Variants in SGCZ observed in about 807,000 individuals in gnomAD.
The protein encoded by SGCZ is zeta-sarcoglycan.
A neutral mutation model predicts 41.3 loss-of-function variants in SGCZ; 40 were observed. That is an observed-to-expected ratio of 0.97 (90% CI 0.75 to 1.26). SGCZ has a LOEUF of 1.26. Among genes scored for constraint, SGCZ ranks in the 50% most tolerant of loss-of-function variants. SGCZ has a pLI of 0.00. For missense variants in SGCZ, 552 were observed against 369.8 expected, an observed-to-expected ratio of 1.49 and a Z score of -4.04; for synonymous variants, 206 against 137.5, an observed-to-expected ratio of 1.50 and a Z score of -3.49.
chr8:14,355,878 G>C (rs1803274664), intron 2 of SGCZ, among the ~76,000 whole-genome samples: 1 of 152,096 alleles, frequency 6.6e-6, no homozygotes, highest in Non-Finnish European at 1.5e-5. Context: ...GAAGGTCTGT[G>C]AGTTATCTAG....
chr8:14,987,982 T>C (rs1801881328), intron 1 of SGCZ, among the ~76,000 whole-genome samples: 1 of 151,988 alleles, frequency 6.6e-6, no homozygotes, highest in Admixed American at 6.6e-5. Context: ...TTAATTACAA[T>C]AATCACTATG....
At chr8:14,189,918 T>C (rs1199776071) in intron 4 of SGCZ, among the ~76,000 whole-genome samples, 1 of 152,154 alleles carries the variant, frequency 6.6e-6, no homozygotes, top group Non-Finnish European at 1.5e-5. Flanking sequence ...GATAGAAAAT[T>C]TGTTTATTTA....
intron 1 of SGCZ, among the ~76,000 whole-genome samples, chr8:14,566,405 T>C (rs1421605310): frequency 6.9e-6 from 1 of 144,876 alleles, no homozygotes; most frequent in African/African-American, 2.5e-5. Context: ...GATCTCTCCA[T>C]CCCTGCTGGG....
At chr8:14,504,190 A>G (rs1276701981) in intron 2 of SGCZ, among the ~76,000 whole-genome samples, 1 of 152,216 alleles carries the variant, frequency 6.6e-6, no homozygotes, top group Admixed American at 6.5e-5. Context: ...TACAAGAGGA[A>G]AATTCAATTT....
At chr8:15,091,862 C>G (rs1002867207) in intron 1 of SGCZ, among the ~76,000 whole-genome samples, 14 of 152,144 alleles carry the variant, frequency 9.2e-5, no homozygotes. Flanking sequence ...AGGTGATCCT[C>G]CCACCTCAGC....
At chr8:14,456,819 A>G (rs551331151) in intron 2 of SGCZ, among the ~76,000 whole-genome samples, 1 of 152,294 alleles carries the variant, frequency 6.6e-6, no homozygotes, top group African/African-American at 2.4e-5. Context: ...CCCTCGTGGC[A>G]TACTGCTGTC....
chr8:14,740,851 G>A (rs899325581), intron 1 of SGCZ, among the ~76,000 whole-genome samples: 1 of 152,014 alleles, frequency 6.6e-6, no homozygotes, highest in Admixed American at 6.6e-5. Flanking sequence ...CACCAAGTCA[G>A]GAATCCATTT....
chr8:14,867,577 T>C (rs759198405), intron 1 of SGCZ, among the ~76,000 whole-genome samples: 35 of 152,146 alleles, frequency 2.3e-4, no homozygotes, highest in Admixed American at 2.6e-4. Context: ...CAAGTGCGTA[T>C]AAGCACTCTT....
At chr8:14,349,789 T>A (rs910232356) in intron 2 of SGCZ, among the ~76,000 whole-genome samples, 2 of 152,100 alleles carry the variant, frequency 1.3e-5, no homozygotes, top group African/African-American at 4.8e-5. Context: ...TTACTATGTC[T>A]CAAAGTGTAT....
At chr8:15,047,910 A>T (rs904686523) in intron 1 of SGCZ, among the ~76,000 whole-genome samples, 2 of 152,054 alleles carry the variant, frequency 1.3e-5, no homozygotes, top group South Asian at 4.1e-4. Context: ...CACAGCCTCT[A>T]TGGAAAACCG....
chr8:14,761,845 T>C (rs946615695), intron 1 of SGCZ, among the ~76,000 whole-genome samples: 1 of 152,104 alleles, frequency 6.6e-6, no homozygotes, highest in African/African-American at 2.4e-5. Context: ...GAATTGCAGA[T>C]GTTTCTAATC....
chr8:15,205,031 A>G (rs1359055662), intron 1 of SGCZ, among the ~76,000 whole-genome samples: 1 of 152,186 alleles, frequency 6.6e-6, no homozygotes, highest in East Asian at 1.9e-4. Context: ...TTTTTCATGA[A>G]AATTCAATTC....
intron 1 of SGCZ, among the ~76,000 whole-genome samples, chr8:14,737,148 T>C (rs999803437): frequency 2.0e-5 from 3 of 149,070 alleles, no homozygotes; most frequent in Non-Finnish European, 4.4e-5. Flanking sequence ...ATAAGATATA[T>C]ATATATCTAT....
intron 1 of SGCZ, among the ~76,000 whole-genome samples, chr8:14,573,997 G>A (rs1438706286): frequency 6.6e-6 from 1 of 152,088 alleles, no homozygotes; most frequent in African/African-American, 2.4e-5. Flanking sequence ...CTAGGGAGGT[G>A]CTTAGTCATT....
chr8:14,672,163 G>A (rs532473373), intron 1 of SGCZ, among the ~76,000 whole-genome samples: 1 of 152,056 alleles, frequency 6.6e-6, no homozygotes, highest in Non-Finnish European at 1.5e-5. Context: ...GCCATGAATA[G>A]GTTACGTACA....
intron 5 of SGCZ, among the ~76,000 whole-genome samples, chr8:14,131,068 C>T (rs1252521715): frequency 6.6e-6 from 1 of 152,088 alleles, no homozygotes; most frequent in Non-Finnish European, 1.5e-5. Flanking sequence ...GAACGCTGTC[C>T]CTCTGCAGGA....
At chr8:14,823,828 A>G (rs79608085) in intron 1 of SGCZ, among the ~76,000 whole-genome samples, 12,689 of 152,186 alleles carry the variant, frequency 0.083, 923 homozygotes, top group East Asian at 0.31. Context: ...AATCAAACTG[A>G]GCATGCAGTA....
chr8:14,852,463 T>C (rs1328208821), intron 1 of SGCZ, among the ~76,000 whole-genome samples: 1 of 152,216 alleles, frequency 6.6e-6, no homozygotes, highest in Admixed American at 6.5e-5. Context: ...ACTTATTATA[T>C]GTGATTGAGT....
At chr8:14,103,953 C>A (rs574154025) in intron 6 of SGCZ, among the ~76,000 whole-genome samples, 1 of 152,032 alleles carries the variant, frequency 6.6e-6, no homozygotes, top group African/African-American at 2.4e-5. Context: ...GATACACAAC[C>A]CTTCTAGAAC....
Sources: gnomAD v4.1 joint callset for allele counts (sites outside exome capture counted in the v4.1 genomes callset) on GRCh38, gnomAD v4.1.1 for gene constraint, MANE v1.5 for transcripts, NCBI Gene and HGNC (gene_info 2026-07-23, HGNC 2026-07-21) for gene names.